Variants in KLHL7 observed in about 807,000 individuals in gnomAD.
KLHL7 encodes the protein kelch like family member 7, also known as kelch-like protein 7.
In KLHL7, 44 loss-of-function variants were observed where a neutral mutation model predicts 67.4. The observed-to-expected ratio is 0.65, with a 90% CI of 0.51 to 0.84. The LOEUF is 0.84. Ranked by LOEUF, KLHL7 falls within the 40% of genes least tolerant of loss-of-function variation. KLHL7 has a pLI of 0.00. For synonymous variants in KLHL7, 252 were observed against 243.3 expected (o/e 1.04, Z -0.33); for missense variants, 362 against 718.1 (o/e 0.50, Z 5.67).
chr7:23,117,075 C>G (rs140820469), intron 1 of KLHL7, among the ~76,000 whole-genome samples: 3,823 of 103,850 alleles, frequency 0.037, 75 homozygotes, highest in Non-Finnish European at 0.058. Context: ...TTTCCTAGAG[C>G]CAGGCCTTTT....
chr7:23,141,558 G>A (rs1784181498), intron 5 of KLHL7, among the ~76,000 whole-genome samples: 1 of 152,264 alleles, frequency 6.6e-6, no homozygotes, highest in South Asian at 2.1e-4. Flanking sequence ...ACTGTCAGAA[G>A]TGTAAGCTGG....
chr7:23,124,919 C>T (rs374117429), intron 3 of KLHL7, 129 bp from the exon 4 acceptor site: 5 of 1,074,194 alleles, frequency 4.7e-6, no homozygotes, highest in East Asian at 5.1e-5. Flanking sequence ...GTATCCTATG[C>T]CATACTAATT....
chr7:23,124,705 A>C lies in KLHL7; in HGVS notation c.241A>C (p.Lys81Gln). ...LMFTTNMLES[K>Q]SFEVELKDAE... is the part of the protein sequence containing the mutation. ...CATTGTAGCTAACATGCTTGAATCA[A>C]AGTCCTTTGAAGTAGAACTCAAAGA... The change falls in exon 3 of 11, where the codon AAG becomes CAG. Residue 81 changes from lysine (K) to glutamine (Q), a missense_variant. This residue lies in a region of KLHL7 where 155 missense variants were observed against 280.8 expected (regional missense o/e 0.55). Transcript: ENST00000339077. The C allele has an allele frequency of 6.2e-7, 1 of 1,609,368 alleles. No individual in the cohort carries two copies. The highest frequency in any genetic ancestry group is 8.5e-7 in the Non-Finnish European group (1 of 1,175,668).
At chr7:23,112,482 A>G (rs1291309315) in intron 1 of KLHL7, among the ~76,000 whole-genome samples, 1 of 152,214 alleles carries the variant, frequency 6.6e-6, no homozygotes, top group Non-Finnish European at 1.5e-5. Context: ...TCCAGAATAA[A>G]GGATAGAAAA....
chr7:23,109,969 C>A (rs527754124), intron 1 of KLHL7, among the ~76,000 whole-genome samples: 2 of 152,298 alleles, frequency 1.3e-5, no homozygotes, highest in South Asian at 4.1e-4. Flanking sequence ...ACCCTCTGTC[C>A]CTTTTTCATG....
At chr7:23,163,327 T>C (rs1784906523) in intron 7 of KLHL7, among the ~76,000 whole-genome samples, 1 of 152,050 alleles carries the variant, frequency 6.6e-6, no homozygotes, top group African/African-American at 2.4e-5. Flanking sequence ...CCTGCCACCA[T>C]GCCCGGCTAA....
At chr7:23,117,779 C>T in intron 1 of KLHL7, 2 of 1,493,306 alleles carry the variant, frequency 1.3e-6, no homozygotes, top group Non-Finnish European at 9.0e-7. Context: ...GTAACTAATC[C>T]AAGAAAATTA....
intron 4 of KLHL7, among the ~76,000 whole-genome samples, chr7:23,133,899 G>A (rs1369632220): frequency 2.0e-5 from 3 of 152,118 alleles, no homozygotes; most frequent in Non-Finnish European, 4.4e-5. Context: ...CTGCAAACAA[G>A]GATAATTTTA....
chr7:23,158,312 G>C (rs1784765751), intron 7 of KLHL7, among the ~76,000 whole-genome samples: 1 of 152,090 alleles, frequency 6.6e-6, no homozygotes. Flanking sequence ...GGTAGCAAGA[G>C]AGCAGTGGGT....
At chr7:23,132,426 T>C (rs1783833949) in intron 4 of KLHL7, among the ~76,000 whole-genome samples, 1 of 152,234 alleles carries the variant, frequency 6.6e-6, no homozygotes, top group South Asian at 2.1e-4. Context: ...TACCTTTTCA[T>C]AAGTCTGTTT....
chr7:23,136,220 A>G (rs1285926833), intron 4 of KLHL7, among the ~76,000 whole-genome samples: 2 of 152,254 alleles, frequency 1.3e-5, no homozygotes, highest in Non-Finnish European at 1.5e-5. Context: ...TGAGAGGGAG[A>G]GAAAATTGCA....
In KLHL7 at chr7:23,142,886, AAAG is replaced by A. The variant is rs1476747345; in HGVS notation, c.619-962_619-960del. Reference sequence around the variant, plus strand: ...AGAAAAATAACACTAGATAAAAACTAAAGAAATCCAAAAAAATATGAAATTTAG... The same window carrying A: ...AGAAAAATAACACTAGATAAAAACTAAAATCCAAAAAAATATGAAATTTAG... On this transcript the variant is annotated intron_variant, in intron 5 of 10. Transcript: ENST00000339077. Among the ~76,000 whole-genome samples, 5 of 152,304 alleles carry A rather than the reference AAAG, an allele frequency of 3.3e-5. No homozygotes were observed. The East Asian group carries it at 5.8e-4, about 18-fold the overall frequency.
Position 23,124,770 on chromosome 7 carries a change from T to C in KLHL7, c.306T>C (p.Ala102=), listed in dbSNP as rs756510839. 6.3e-7 allele frequency: 1 copy of C among 1,596,994 alleles called. No homozygotes were observed. Among genetic ancestry groups the C allele is most frequent in the Non-Finnish European group, 8.6e-7 (1 of 1,164,442 alleles). ...PDIIEQLVEF[A]YTARISVNSN... ...TTATTGAACAACTGGTGGAATTTGCTTATACTGCTAGGTGAGTTAAGTATT... is the reference window on the plus strand; with the variant it reads ...TTATTGAACAACTGGTGGAATTTGCCTATACTGCTAGGTGAGTTAAGTATT... Residue 102 remains alanine, a synonymous_variant, in exon 3 of 11, where the codon GCT becomes GCC. Transcript: ENST00000339077.
intron 1 of KLHL7, among the ~76,000 whole-genome samples, chr7:23,110,987 G>C (rs916530847): frequency 6.6e-6 from 1 of 151,818 alleles, no homozygotes; most frequent in African/African-American, 2.4e-5. Context: ...CTAGATTCTG[G>C]GGTTGCAATG....
chr7:23,169,212 T>C (rs938574942), intron 9 of KLHL7, among the ~76,000 whole-genome samples: 1 of 152,034 alleles, frequency 6.6e-6, no homozygotes, highest in African/African-American at 2.4e-5. Flanking sequence ...TGAGCCAAGA[T>C]TGTGCCACAG....
chr7:23,168,257 T>C lies in KLHL7; in HGVS notation c.1379+220T>C, dbSNP rs1387956833. Among the ~76,000 whole-genome samples the C allele has an allele frequency of 2.0e-5, 3 of 152,298 alleles. No individual in the cohort carries two copies. In the East Asian group the frequency reaches 5.8e-4, roughly 29 times the overall value. ...TTACACCCCATGGGAACCTCTTTCT[T>C]TCTGGTTCTGCGTGCAATAAATGCC... On this transcript the variant is annotated intron_variant, in intron 9 of 10. Transcript: ENST00000339077.
intron 7 of KLHL7, among the ~76,000 whole-genome samples, chr7:23,152,784 C>T (rs1314001607): frequency 6.6e-6 from 1 of 152,156 alleles, no homozygotes; most frequent in African/African-American, 2.4e-5. Context: ...TAGATCATTA[C>T]TTATAACCTT....
intron 1 of KLHL7, among the ~76,000 whole-genome samples, chr7:23,113,780 C>T (rs940972303): frequency 3.3e-5 from 5 of 152,122 alleles, no homozygotes; most frequent in African/African-American, 7.2e-5. Flanking sequence ...GAGCCGAGAT[C>T]GTGCCATTGC....
At chr7:23,161,445 C>T (rs1784851574) in intron 7 of KLHL7, among the ~76,000 whole-genome samples, 1 of 152,190 alleles carries the variant, frequency 6.6e-6, no homozygotes, top group Non-Finnish European at 1.5e-5. Flanking sequence ...TTAAAATACT[C>T]CTGCAGTGAA....
Sources: gnomAD v4.1 joint callset for allele counts (sites outside exome capture counted in the v4.1 genomes callset) on GRCh38, gnomAD v4.1.1 for gene constraint, gnomAD v4.1.1 regional missense constraint, MANE v1.5 for transcripts, NCBI Gene and HGNC (gene_info 2026-07-23, HGNC 2026-07-21) for gene names.